Variants in ATP10B observed in about 807,000 individuals in gnomAD.
The protein encoded by ATP10B is phospholipid-transporting ATPase VB.
Under a neutral mutation model 141.2 loss-of-function variants are expected in ATP10B, and 122 were observed. The observed-to-expected ratio is 0.86, with a 90% confidence interval of 0.75 to 1.00. ATP10B has a LOEUF of 1.00. Ranked by LOEUF, ATP10B falls within the 50% of genes least tolerant of loss-of-function variation. ATP10B has a pLI of 0.00. For missense variants in ATP10B, 1,876 were observed against 1,825.3 expected (o/e 1.03, Z -0.51); for synonymous variants, 685 against 692.0 (o/e 0.99, Z 0.16).
intron 18 of ATP10B, among the ~76,000 whole-genome samples, chr5:160,609,381 A>T (rs200359278): frequency 1.4e-5 from 2 of 143,216 alleles, no homozygotes; most frequent in African/African-American, 5.1e-5. Context: ...GCCATAACTT[A>T]TTTTTTTTTT....
At chr5:160,866,638 C>T in the ATP10B span, among the ~76,000 whole-genome samples, 9 of 152,110 alleles carry the variant, frequency 5.9e-5, no homozygotes, top group Admixed American at 2.0e-4. Context: ...CACACCATTG[C>T]ACTCCAGCCT....
chr5:160,641,190 T>A (rs562681113), intron 9 of ATP10B, among the ~76,000 whole-genome samples: 5 of 152,102 alleles, frequency 3.3e-5, no homozygotes, highest in Non-Finnish European at 5.9e-5. Flanking sequence ...TCCAAGGAGA[T>A]GACATTGAAG....
At chr5:160,885,913 C>G in the ATP10B span, among the ~76,000 whole-genome samples, 1 of 152,166 alleles carries the variant, frequency 6.6e-6, no homozygotes, top group Non-Finnish European at 1.5e-5. Context: ...ATTACTCTTC[C>G]AGAAGTCAGG....
intron 1 of ATP10B, among the ~76,000 whole-genome samples, chr5:160,839,939 A>G (rs1775711396): frequency 6.6e-6 from 1 of 152,114 alleles, no homozygotes; most frequent in African/African-American, 2.4e-5. Context: ...ACAAAACTCA[A>G]TAGCATTCAT....
chr5:160,616,806 C>A lies in ATP10B; in HGVS notation c.2527-842G>T, dbSNP rs181989151. ...GGAATGCATAGTCCATTAGGGGAGG[C>A]AAAATATGCACAAATAACTTTAATA... On this transcript the variant is annotated intron_variant, in intron 16 of 25. Coordinates refer to ENST00000327245, the MANE Select transcript of ATP10B (RefSeq NM_025153.3). Among the ~76,000 whole-genome samples, 289 of 152,278 alleles carry A rather than the reference C, an allele frequency of 1.9e-3. 2 individuals are homozygous for A. Among genetic ancestry groups the A allele is most frequent in the African/African-American group, 6.7e-3 (277 of 41,568 alleles).
chr5:160,877,841 C>T, the ATP10B span, among the ~76,000 whole-genome samples: 3 of 135,200 alleles, frequency 2.2e-5, no homozygotes. Flanking sequence ...ACATGAAGGA[C>T]CTCTTCAGTA....
chr5:160,585,507 G>A (rs560369604), intron 24 of ATP10B, among the ~76,000 whole-genome samples: 1 of 152,188 alleles, frequency 6.6e-6, no homozygotes, highest in South Asian at 2.1e-4. Context: ...GGAGGCTGAG[G>A]CAGAAGAATC....
chr5:160,724,156 G>A (rs1008408265), intron 2 of ATP10B, among the ~76,000 whole-genome samples: 4 of 151,228 alleles, frequency 2.6e-5, no homozygotes, highest in African/African-American at 9.7e-5. Flanking sequence ...GAGAGGATCA[G>A]GAAAAATAAT....
At chr5:160,753,671 G>A (rs1466948841) in intron 2 of ATP10B, among the ~76,000 whole-genome samples, 1 of 152,152 alleles carries the variant, frequency 6.6e-6, no homozygotes, top group Non-Finnish European at 1.5e-5. Flanking sequence ...TTATGTGGCA[G>A]ACATTATAAC....
chr5:160,612,184 T>G (rs970682198), intron 18 of ATP10B: 1 of 152,200 alleles, frequency 6.6e-6, no homozygotes, highest in Non-Finnish European at 1.5e-5. Flanking sequence ...TCCTTTCAGG[T>G]TTTTACTCTG....
chr5:160,672,479 C>T (rs1256872764), intron 6 of ATP10B, among the ~76,000 whole-genome samples: 1 of 152,188 alleles, frequency 6.6e-6, no homozygotes, highest in African/African-American at 2.4e-5. Context: ...CTCAATTATT[C>T]CTCATGTGAC....
At chr5:160,844,961 G>A (rs989307667) in intron 1 of ATP10B, among the ~76,000 whole-genome samples, 8 of 152,152 alleles carry the variant, frequency 5.3e-5, no homozygotes, top group Non-Finnish European at 8.8e-5. Flanking sequence ...GGATTTGTGT[G>A]CCTGTTGGGC....
intron 1 of ATP10B, among the ~76,000 whole-genome samples, chr5:160,837,865 T>G (rs971533873): frequency 6.6e-6 from 1 of 152,278 alleles, no homozygotes; most frequent in Non-Finnish European, 1.5e-5. Flanking sequence ...CAAGACACAA[T>G]AACAATTACT....
intron 1 of ATP10B, among the ~76,000 whole-genome samples, chr5:160,851,227 C>G (rs1015206383): frequency 6.6e-6 from 1 of 152,162 alleles, no homozygotes; most frequent in Non-Finnish European, 1.5e-5. Flanking sequence ...CTCCTGTAGG[C>G]AAAATAACTA....
intron 7 of ATP10B, among the ~76,000 whole-genome samples, chr5:160,654,987 C>T (rs1003466208): frequency 5.9e-5 from 9 of 152,190 alleles, no homozygotes; most frequent in Non-Finnish European, 1.0e-4. Context: ...TAAGAGTCTG[C>T]TCCTTAACCA....
intron 2 of ATP10B, among the ~76,000 whole-genome samples, chr5:160,767,573 T>G (rs1199696035): frequency 2.0e-5 from 3 of 150,556 alleles, no homozygotes; most frequent in Non-Finnish European, 4.4e-5. Context: ...TAAATATTAC[T>G]TTGGTAGAAG....
chr5:160,668,754 T>C (rs1429168550), intron 7 of ATP10B, among the ~76,000 whole-genome samples: 10 of 152,228 alleles, frequency 6.6e-5, no homozygotes, highest in South Asian at 2.1e-4. Flanking sequence ...GCAAACTCTT[T>C]ATTCTGTTCT....
the ATP10B span, among the ~76,000 whole-genome samples, chr5:160,879,018 C>G: frequency 8.7e-6 from 1 of 115,260 alleles, no homozygotes; most frequent in Non-Finnish European, 1.8e-5. Flanking sequence ...CCATTTGACC[C>G]AGCCATCCCA....
Position 160,671,959 on chromosome 5 carries a change from G to C in ATP10B, c.471-1292C>G, listed in dbSNP as rs539548569. On this transcript the variant is annotated intron_variant, in intron 6 of 25. Transcript: ENST00000327245. ...GCTAAGGAACTCCCCACTTCTCAAG[G>C]CAATGCATCCTTTTTTTTTTTTTTT... is the stretch of plus-strand genomic sequence containing the variant. Among the ~76,000 whole-genome samples the C allele has an allele frequency of 3.6e-3, 498 of 138,668 alleles. 2 individuals carry two copies. Among genetic ancestry groups the C allele is most frequent in the Non-Finnish European group, 5.9e-3 (384 of 65,090 alleles). The allele number at this position is 138,668 out of a possible 152,430, so 91.0% of individuals were successfully genotyped here.
Sources: gnomAD v4.1 joint callset for allele counts (sites outside exome capture counted in the v4.1 genomes callset) on GRCh38, gnomAD v4.1.1 for gene constraint, MANE v1.5 for transcripts, NCBI Gene and HGNC (gene_info 2026-07-23, HGNC 2026-07-21) for gene names.